ZBTB20: variants seen among roughly 807,000 people sequenced by gnomAD.
ZBTB20 encodes the protein zinc finger and BTB domain-containing protein 20.
A neutral mutation model predicts 56.9 loss-of-function variants in ZBTB20; 9 were observed. The observed-to-expected ratio is 0.16, with a 90% CI of 0.10 to 0.28. ZBTB20 has a LOEUF of 0.28. Among genes scored for constraint, ZBTB20 ranks in the 10% least tolerant of loss-of-function variants. ZBTB20 has a pLI of 1.00. For synonymous variants in ZBTB20, 417 were observed against 420.7 expected (o/e 0.99, Z 0.11); for missense variants, 655 against 1,003.0 (o/e 0.65, Z 4.69).
intron 6 of ZBTB20, among the ~76,000 whole-genome samples, chr3:114,641,438 TATAG>T (rs1309837003): frequency 5.9e-5 from 9 of 151,808 alleles, no homozygotes; most frequent in African/African-American, 1.9e-4. Context: ...ATACCACTTA[TATAG>T]ATAATTTTTC....
intron 2 of ZBTB20, among the ~76,000 whole-genome samples, chr3:115,016,495 T>C (rs1036000577): frequency 6.6e-6 from 1 of 151,950 alleles, no homozygotes; most frequent in African/African-American, 2.4e-5. Context: ...TTGTATAAGG[T>C]GTAAAGAAGG....
chr3:114,827,398 C>T (rs1286045293), intron 4 of ZBTB20, among the ~76,000 whole-genome samples: 1 of 151,778 alleles, frequency 6.6e-6, no homozygotes, highest in African/African-American at 2.4e-5. Context: ...TACTACAATT[C>T]AGCTACACAC....
At chr3:114,560,548 C>T (rs2051877588) in intron 6 of ZBTB20, among the ~76,000 whole-genome samples, 1 of 152,166 alleles carries the variant, frequency 6.6e-6, no homozygotes, top group African/African-American at 2.4e-5. Flanking sequence ...CTGTCTGATG[C>T]CATGTCCAAG....
intron 3 of ZBTB20, among the ~76,000 whole-genome samples, chr3:114,954,578 T>A (rs2077184622): frequency 6.6e-6 from 1 of 152,176 alleles, no homozygotes; most frequent in Non-Finnish European, 1.5e-5. Flanking sequence ...AAGTCCTACC[T>A]TAGATAGCAT....
intron 2 of ZBTB20, among the ~76,000 whole-genome samples, chr3:115,061,882 A>AT (rs940026155): frequency 1.3e-5 from 2 of 152,018 alleles, no homozygotes; most frequent in Non-Finnish European, 2.9e-5. Context: ...TATATCTTCA[A>AT]TTTTTTTTGT....
chr3:114,829,727 G>C (rs563959128), intron 4 of ZBTB20, among the ~76,000 whole-genome samples: 2 of 151,814 alleles, frequency 1.3e-5, no homozygotes, highest in African/African-American at 4.8e-5. Flanking sequence ...GACAAAGAAA[G>C]AATAAAAGTG....
chr3:114,545,913 C>T (rs1453826041), intron 6 of ZBTB20, among the ~76,000 whole-genome samples: 2 of 152,054 alleles, frequency 1.3e-5, no homozygotes, highest in Non-Finnish European at 1.5e-5. Context: ...CCATGTGCTG[C>T]CATCAGATTT....
At position 114,317,542 on chromosome 3, in the gene ZBTB20, G is replaced by A. The variant is rs187861493; in HGVS notation, c.*21463C>T. On this transcript the variant is annotated 3_prime_UTR_variant, in exon 12 of 12. Coordinates refer to ENST00000675478, the MANE Select transcript of ZBTB20 (RefSeq NM_001348800.3). ...ACGGATTTAGGCTGTCATGTACATG[G>A]TTACTCAATGCTTTAAATGTCCAAA... The A allele has an allele frequency of 2.8e-4, 42 of 152,274 alleles. No homozygotes were observed. The highest frequency in any genetic ancestry group is 9.6e-4 in the African/African-American group (40 of 41,552). The allele number at this position is 152,274 out of a possible 1,614,324, so 9.4% of individuals were successfully genotyped here.
In ZBTB20 at chr3:114,999,219, G is replaced by A. The variant is rs2079150183; in HGVS notation, c.-506-24803C>T. ...AAAGGAAAGGAGGAGGGAAATGAAA[G>A]GAAAGGAAAGGGGGAGGGAAATGAA... is the stretch of plus-strand genomic sequence containing the variant. On this transcript the variant is annotated intron_variant, in intron 2 of 11. Coordinates refer to ENST00000675478, the MANE Select transcript of ZBTB20 (RefSeq NM_001348800.3). 2.1e-5 allele frequency among the ~76,000 whole-genome samples: 3 copies of A among 143,100 alleles called. No homozygotes were observed. In the South Asian group the frequency reaches 6.8e-4, roughly 33 times the overall value. 93.9% of individuals were successfully genotyped at this position (143,100 alleles called of 152,430 possible).
chr3:114,602,750 T>G (rs1305757524), intron 6 of ZBTB20, among the ~76,000 whole-genome samples: 1 of 152,018 alleles, frequency 6.6e-6, no homozygotes, highest in Non-Finnish European at 1.5e-5. Flanking sequence ...AAAAAAGGCT[T>G]CTGTATAAAA....
intron 6 of ZBTB20, among the ~76,000 whole-genome samples, chr3:114,542,005 A>G (rs1439041448): frequency 2.0e-5 from 3 of 152,184 alleles, no homozygotes; most frequent in African/African-American, 7.2e-5. Context: ...TAATTTAATG[A>G]TCATCTGGAT....
At chr3:114,915,745 T>TG (rs1411870943) in intron 3 of ZBTB20, among the ~76,000 whole-genome samples, 39 of 152,044 alleles carry the variant, frequency 2.6e-4, no homozygotes, top group Non-Finnish European at 4.7e-4. Context: ...CTCTTAGTTT[T>TG]GATATGTTCT....
At chr3:114,775,238 G>C (rs561014226) in intron 5 of ZBTB20, among the ~76,000 whole-genome samples, 1 of 151,404 alleles carries the variant, frequency 6.6e-6, no homozygotes, top group African/African-American at 2.4e-5. Context: ...TCATATGTTA[G>C]AACAAAAAAA....
intron 4 of ZBTB20, among the ~76,000 whole-genome samples, chr3:114,806,477 T>A (rs1425552941): frequency 6.6e-6 from 1 of 151,968 alleles, no homozygotes; most frequent in South Asian, 2.1e-4. Flanking sequence ...CTTTATATAT[T>A]ATGCGTAAAA....
chr3:114,581,878 G>A (rs2054662589), intron 6 of ZBTB20, among the ~76,000 whole-genome samples: 3 of 152,066 alleles, frequency 2.0e-5, no homozygotes, highest in Admixed American at 2.0e-4. Context: ...AGTTCAAAAT[G>A]CATATTTCTT....
intron 5 of ZBTB20, among the ~76,000 whole-genome samples, chr3:114,753,589 C>T (rs1259627084): frequency 6.6e-6 from 1 of 151,650 alleles, no homozygotes; most frequent in African/African-American, 2.4e-5. Flanking sequence ...CATGTGCTAC[C>T]ACGCCCAGCT....
chr3:114,908,832 A>T (rs1364881250), intron 3 of ZBTB20, among the ~76,000 whole-genome samples: 1 of 151,994 alleles, frequency 6.6e-6, no homozygotes, highest in Non-Finnish European at 1.5e-5. Context: ...TATCATATTA[A>T]ATGGAGCTAA....
In ZBTB20 at chr3:114,684,224, A is replaced by G. The variant is rs192504232; in HGVS notation, c.-295+9304T>C. ...CCAATTATTTTCTTCTAGGAGTCTA[A>G]TATGTATTCATCTTCCCATATTTCA... On this transcript the variant is annotated intron_variant, in intron 6 of 11. Transcript: ENST00000675478. Among the ~76,000 whole-genome samples the G allele has an allele frequency of 3.9e-3, 597 of 152,254 alleles. 2 individuals are homozygous for G. Among genetic ancestry groups the G allele is most frequent in the African/African-American group, 0.013 (553 of 41,560 alleles).
intron 1 of ZBTB20, among the ~76,000 whole-genome samples, chr3:115,099,486 CTTAT>C (rs1431758836): frequency 2.6e-5 from 4 of 152,214 alleles, no homozygotes; most frequent in Admixed American, 2.0e-4. Flanking sequence ...AACAGAATAC[CTTAT>C]TTGTTTAAAA....
Sources: gnomAD v4.1 joint callset for allele counts (sites outside exome capture counted in the v4.1 genomes callset) on GRCh38, gnomAD v4.1.1 for gene constraint, MANE v1.5 for transcripts, NCBI Gene and HGNC (gene_info 2026-07-23, HGNC 2026-07-21) for gene names.